FMR1NB: variants seen among roughly 807,000 people sequenced by gnomAD.
FMR1NB encodes the protein FMR1 neighbor.
In FMR1NB, 10 loss-of-function variants were observed where a neutral mutation model predicts 16.8. The observed-to-expected ratio is 0.60, with a 90% CI of 0.37 to 1.01. The LOEUF (loss-of-function observed/expected upper bound fraction) is 1.01, where lower values mean the gene tolerates loss of function less well. FMR1NB is among the 50% of genes least tolerant of loss of function. The probability of loss-of-function intolerance (pLI) is 0.01; values close to 1 mark genes in which losing one functional copy is unlikely to be tolerated. For synonymous variants in FMR1NB, 83 were observed against 79.1 expected (o/e 1.05, Z -0.26); for missense variants, 205 against 204.8 (o/e 1.00, Z 0.00).
chrX:148,006,871 A>G (rs1557189167), intron 3 of FMR1NB, 29 bp downstream of exon 3: 24 of 1,161,420 alleles, frequency 2.1e-5, no homozygotes, highest in South Asian at 3.8e-5. Flanking sequence ...ATTTATTTCT[A>G]TTTTTTAATA....
chrX:148,014,705 C>T (rs1296652896), intron 4 of FMR1NB, among the ~76,000 whole-genome samples: 1 of 111,556 alleles, frequency 9.0e-6, no homozygotes, highest in African/African-American at 3.3e-5. Context: ...AGTGCAGTGG[C>T]ACAATCACGG....
At chrX:148,007,120 T>C (rs998368419) in intron 3 of FMR1NB, among the ~76,000 whole-genome samples, 7 of 112,040 alleles carry the variant, frequency 6.2e-5, no homozygotes, top group African/African-American at 2.3e-4. Flanking sequence ...CCAGGCTCTA[T>C]GGAACCCTCA....
chrX:147,982,502 T>A (rs1469630236), intron 1 of FMR1NB, among the ~76,000 whole-genome samples: 4 of 99,909 alleles, frequency 4.0e-5, no homozygotes, highest in African/African-American at 1.5e-4. Context: ...GGCAGGAGAA[T>A]TGCTTGAACC....
At chrX:148,007,224 C>T (rs1190309745) in intron 3 of FMR1NB, among the ~76,000 whole-genome samples, 4 of 111,960 alleles carry the variant, frequency 3.6e-5, no homozygotes, top group Non-Finnish European at 7.5e-5. Flanking sequence ...TTTGTCTTGT[C>T]TTCATCTCAG....
chrX:148,019,766 C>T (rs1455772413), intron 4 of FMR1NB, among the ~76,000 whole-genome samples: 2 of 112,019 alleles, frequency 1.8e-5, no homozygotes, highest in Non-Finnish European at 3.8e-5. Context: ...TGGAGTCTCT[C>T]TCTCTGGACT....
intron 1 of FMR1NB, among the ~76,000 whole-genome samples, chrX:147,993,243 C>A (rs1042365749): frequency 3.5e-5 from 4 of 112,898 alleles, no homozygotes; most frequent in Non-Finnish European, 7.5e-5. Flanking sequence ...AGCGAAACCC[C>A]GTCTCCACCA....
At chrX:148,015,810 C>G (rs1319992637) in intron 4 of FMR1NB, among the ~76,000 whole-genome samples, 1 of 112,005 alleles carries the variant, frequency 8.9e-6, no homozygotes, top group Non-Finnish European at 1.9e-5. Flanking sequence ...CTCTAAATAT[C>G]TATTAGGTCT....
chrX:148,010,852 C>T (rs1463990596), intron 4 of FMR1NB, among the ~76,000 whole-genome samples: 9 of 111,077 alleles, frequency 8.1e-5, no homozygotes, highest in Non-Finnish European at 1.5e-4. Context: ...ACTGAGAATT[C>T]CTTTAAGAAA....
chrX:148,020,685 G>T (rs931957724), intron 4 of FMR1NB, among the ~76,000 whole-genome samples: 6 of 111,808 alleles, frequency 5.4e-5, no homozygotes, highest in African/African-American at 1.3e-4. Flanking sequence ...ACTGTCATCT[G>T]TGAGCTAGGG....
At chrX:148,024,073 A>G (rs1158402745) in intron 4 of FMR1NB, among the ~76,000 whole-genome samples, 1 of 112,023 alleles carries the variant, frequency 8.9e-6, no homozygotes, top group Non-Finnish European at 1.9e-5. Context: ...CTTATTATGC[A>G]CATAGGAAGT....
chrX:147,987,737 A>G (rs2044484143), intron 1 of FMR1NB, among the ~76,000 whole-genome samples: 1 of 111,525 alleles, frequency 9.0e-6, no homozygotes, highest in African/African-American at 3.3e-5. Flanking sequence ...GTGCATATGT[A>G]TTTAGGATAA....
At chrX:148,016,241 T>G (rs192172296) in intron 4 of FMR1NB, among the ~76,000 whole-genome samples, 2 of 108,479 alleles carry the variant, frequency 1.8e-5, no homozygotes, top group African/African-American at 7.1e-5. Context: ...TTTTGAAATA[T>G]ATTTTTTTCT....
chrX:147,993,064 G>A (rs1367436993), intron 1 of FMR1NB, among the ~76,000 whole-genome samples: 1 of 106,457 alleles, frequency 9.4e-6, no homozygotes, highest in Non-Finnish European at 2.0e-5. Flanking sequence ...GCCAAGGCAG[G>A]CGGCTGGGAG....
At chrX:148,000,133 T>C (rs1185796072) in intron 1 of FMR1NB, among the ~76,000 whole-genome samples, 1 of 111,887 alleles carries the variant, frequency 8.9e-6, no homozygotes, top group African/African-American at 3.2e-5. Flanking sequence ...ATCATTGATA[T>C]AAAGGAGATT....
chrX:147,999,720 T>C (rs2124618374), intron 1 of FMR1NB, among the ~76,000 whole-genome samples: 1 of 111,637 alleles, frequency 9.0e-6, no homozygotes, highest in Admixed American at 9.6e-5. Flanking sequence ...AGGGCAGGGA[T>C]CTTGTCTGAC....
chrX:148,019,092 C>T (rs2044665929), intron 4 of FMR1NB, among the ~76,000 whole-genome samples: 1 of 111,675 alleles, frequency 9.0e-6, no homozygotes, highest in African/African-American at 3.3e-5. Context: ...TCTTTTGTCT[C>T]CTCTGACCAT....
intron 4 of FMR1NB, among the ~76,000 whole-genome samples, chrX:148,011,759 A>G (rs943751635): frequency 1.8e-5 from 2 of 110,973 alleles, no homozygotes; most frequent in African/African-American, 6.6e-5. Context: ...TCTTCTCACT[A>G]TAGACACCTT....
intron 1 of FMR1NB, 50 bp downstream of exon 1, chrX:147,981,729 G>A (rs782781690): frequency 5.4e-5 from 46 of 845,272 alleles, no homozygotes; most frequent in Non-Finnish European, 7.2e-5. Context: ...AGGGGGAGGG[G>A]GAGGGAGAGG....
At chrX:147,990,519 T>C (rs2044498690) in intron 1 of FMR1NB, among the ~76,000 whole-genome samples, 1 of 111,960 alleles carries the variant, frequency 8.9e-6, no homozygotes, top group African/African-American at 3.2e-5. Flanking sequence ...TATGTGATAT[T>C]TTAATATGTA....
Sources: allele counts gnomAD v4.1 joint callset (sites outside exome capture counted in the v4.1 genomes callset), GRCh38; gene constraint gnomAD v4.1.1; transcripts MANE v1.5; gene names NCBI Gene and HGNC (gene_info 2026-07-23, HGNC 2026-07-21).